The following S100A7A variants were observed in gnomAD, a reference collection of about 807,000 sequenced individuals.
S100A7A encodes the protein S100 calcium binding protein A7A, also known as protein S100-A7A.
A neutral mutation model predicts 4.0 loss-of-function variants in S100A7A; 5 were observed. The ratio of observed to expected loss-of-function variants is 1.26; its 90% CI spans 0.66 to 2.66. The LOEUF is 2.66. S100A7A is among the 30% of genes most tolerant of loss of function. The probability of loss-of-function intolerance (pLI) is 0.01; values close to 1 mark genes in which losing one functional copy is unlikely to be tolerated. For missense variants in S100A7A, 159 were observed against 125.1 expected (o/e 1.27, Z -1.29); for synonymous variants, 52 against 46.4 (o/e 1.12, Z -0.49).
chr1:153,419,247 A>G lies in S100A7A; in HGVS notation c.244A>G (p.Ile82Val), dbSNP rs1419230879. 2 of 1,614,220 alleles carry G rather than the reference A, an allele frequency of 1.2e-6. No individual in the cohort carries two copies. Among genetic ancestry groups the G allele is most frequent in the South Asian group, 2.2e-5 (2 of 91,080 alleles). Residue 82 changes from isoleucine to valine, a missense_variant, in exon 3 of 3, where the codon ATA becomes GTA. By Grantham distance (29) the Ile-to-Val change is conservative (BLOSUM62 3). Transcript: ENST00000368729. ...TGAGTTTCTGTCCTTGCTGGGAGAC[A>G]TAGCCGCAGACTACCACAAGCAGAG... Reference protein sequence around the residue: ...FSEFLSLLGDIAADYHKQSHG... With the variant: ...FSEFLSLLGDVAADYHKQSHG...
intron 2 of S100A7A, 85 bp from the exon 3 acceptor site, chr1:153,419,060 G>C: frequency 1.4e-6 from 2 of 1,428,886 alleles, no homozygotes; most frequent in Non-Finnish European, 1.9e-6. Flanking sequence ...GTACTTGTCT[G>C]TATCTCTGCC....
chr1:153,421,108 C>T lies in S100A7A; in HGVS notation c.*1799C>T, dbSNP rs1057454601. The T allele has an allele frequency of 6.6e-6, 1 of 152,202 alleles. No individual in the cohort carries two copies. Among genetic ancestry groups the T allele is most frequent in the Non-Finnish European group, 1.5e-5 (1 of 68,064 alleles). The allele number at this position is 152,202 out of a possible 1,614,324, so 9.4% of individuals were successfully genotyped here. On this transcript the variant is annotated 3_prime_UTR_variant, in exon 3 of 3. Coordinates refer to ENST00000368729, the MANE Select transcript of S100A7A (RefSeq NM_176823.4). ...TTATTCCCCGAATGCGCAACATACCCCCCATCAATATATCTCAGTATTTCA... is the reference window on the plus strand; with the variant it reads ...TTATTCCCCGAATGCGCAACATACCTCCCATCAATATATCTCAGTATTTCA...
chr1:153,417,661 G>A (rs184313998), intron 1 of S100A7A, among the ~76,000 whole-genome samples: 55 of 152,328 alleles, frequency 3.6e-4, no homozygotes, highest in Admixed American at 1.5e-3. Flanking sequence ...TCCTGCCCCC[G>A]TGACTCTCAC....
Position 153,419,213 on chromosome 1 carries a change from T to C in S100A7A, c.210T>C (p.Ile70=). 6.2e-7 allele frequency: 1 copy of C among 1,614,148 alleles called. No individual in the cohort carries two copies. Among genetic ancestry groups the C allele is most frequent in the Middle Eastern group, 1.6e-4 (1 of 6,062 alleles). The part of the protein sequence containing the change: ...EKKDKNEDKK[I]DFSEFLSLLG... ...AGGACAAGAATGAGGATAAGAAGAT[T>C]GATTTTTCTGAGTTTCTGTCCTTGC... The change falls in exon 3 of 3, where the codon ATT becomes ATC. Residue 70 remains isoleucine (I), a synonymous_variant. Coordinates refer to ENST00000368729, the MANE Select transcript of S100A7A (RefSeq NM_176823.4).
intron 1 of S100A7A, among the ~76,000 whole-genome samples, chr1:153,417,729 A>G (rs555098142): frequency 6.6e-6 from 1 of 152,228 alleles, no homozygotes; most frequent in Admixed American, 6.5e-5. Context: ...GGGGTCCGCC[A>G]TGTGCTGGTT....
In S100A7A at chr1:153,419,396, T is replaced by G. The variant is rs754388686; in HGVS notation, c.*87T>G. On this transcript the variant is annotated 3_prime_UTR_variant, in exon 3 of 3. Coordinates refer to ENST00000368729, the MANE Select transcript of S100A7A (RefSeq NM_176823.4). ...CACTTGCCTTATTTCTTCTTCTCTT[T>G]GGTGACCTACATTGTCAAAACTACC... is the stretch of plus-strand genomic sequence containing the variant. 1 of 1,426,814 alleles carries G rather than the reference T, an allele frequency of 7.0e-7. No homozygotes were observed. Among genetic ancestry groups the G allele is most frequent in the Admixed American group, 2.3e-5 (1 of 43,558 alleles). 88.4% of individuals were successfully genotyped at this position (1,426,814 alleles called of 1,614,324 possible). A position where few individuals can be genotyped will look rare whatever the true frequency, so the allele number is the denominator to read the frequency against.
Position 153,417,951 on chromosome 1 carries a change from C to G in S100A7A, c.-17-115C>G, listed in dbSNP as rs147632589. On this transcript the variant is annotated intron_variant, in intron 1 of 2. Coordinates refer to ENST00000368729, the MANE Select transcript of S100A7A (RefSeq NM_176823.4). ...CATCACATTTAAAAAAATCAAGTTC[C>G]TTCTGCTCCATCTTAGGGCTGTTTT... is the stretch of plus-strand genomic sequence containing the variant. 475 of 1,336,298 alleles carry G rather than the reference C, an allele frequency of 3.6e-4. 2 individuals are homozygous for G. The African/African-American group carries it at 5.7e-3, about 16-fold the overall frequency. 82.8% of individuals were successfully genotyped at this position (1,336,298 alleles called of 1,614,324 possible).
At chr1:153,418,915 G>A (rs1662816454) in intron 2 of S100A7A, among the ~76,000 whole-genome samples, 1 of 152,080 alleles carries the variant, frequency 6.6e-6, no homozygotes, top group South Asian at 2.1e-4. Context: ...CTCGGGACAG[G>A]ACCTGCCTCC....
chr1:153,419,215 A>AT lies in S100A7A; in HGVS notation c.217dup (p.Ser73PhefsTer2), dbSNP rs758701237. The AT allele has an allele frequency of 3.0e-5, 49 of 1,613,998 alleles. No individual in the cohort carries two copies. Among genetic ancestry groups the AT allele is most frequent in the Non-Finnish European group, 4.0e-5 (47 of 1,180,034 alleles). On this transcript the variant is annotated frameshift_variant, in exon 3 of 3. Coordinates refer to ENST00000368729, the MANE Select transcript of S100A7A (RefSeq NM_176823.4). LOFTEE classifies it low-confidence loss of function (END_TRUNC). Reference sequence around the variant, plus strand: ...GACAAGAATGAGGATAAGAAGATTGATTTTTCTGAGTTTCTGTCCTTGCTG... The same window carrying AT: ...GACAAGAATGAGGATAAGAAGATTGATTTTTTCTGAGTTTCTGTCCTTGCTG...
Position 153,419,341 on chromosome 1 carries a change from C to G in S100A7A, c.*32C>G, listed in dbSNP as rs1177676934. ...CCCACCAAGGGGCCTCCAGAGACCC[C>G]AGGAACAATAAGTGTCTCCTCCCAC... On this transcript the variant is annotated 3_prime_UTR_variant, in exon 3 of 3. Transcript: ENST00000368729. 8.1e-6 allele frequency: 13 copies of G among 1,598,534 alleles called. No homozygotes were observed. Among genetic ancestry groups the G allele is most frequent in the Non-Finnish European group, 1.1e-5 (13 of 1,173,238 alleles).
In S100A7A at chr1:153,419,313, A is replaced by G. The variant is rs765681288; in HGVS notation, c.*4A>G. On this transcript the variant is annotated 3_prime_UTR_variant, in exon 3 of 3. Coordinates refer to ENST00000368729, the MANE Select transcript of S100A7A (RefSeq NM_176823.4). The stretch of plus-strand genomic sequence containing the variant: ...CTGTTCTGGGGGAAGCCAGTGATCC[A>G]GCCCCACCAAGGGGCCTCCAGAGAC... 5 of 1,613,332 alleles carry G rather than the reference A, an allele frequency of 3.1e-6. No individual in the cohort carries two copies. The highest frequency in any genetic ancestry group is 3.4e-6 in the Non-Finnish European group (4 of 1,179,670).
At chr1:153,418,711 G>A (rs761788091) in intron 2 of S100A7A, among the ~76,000 whole-genome samples, 59 of 152,212 alleles carry the variant, frequency 3.9e-4, no homozygotes, top group East Asian at 1.9e-4. Flanking sequence ...CAAGAGTAGG[G>A]AACCCAGAAG....
chr1:153,421,880 A>G lies in S100A7A; in HGVS notation c.*2571A>G, dbSNP rs1173712033. On this transcript the variant is annotated 3_prime_UTR_variant, in exon 3 of 3. Transcript: ENST00000368729. Reference sequence around the variant, plus strand: ...ATTAGGATGGAGTGTGTGGACAAATACTTCTTCATCTTCTTGTCTAGGTTT... The same window carrying G: ...ATTAGGATGGAGTGTGTGGACAAATGCTTCTTCATCTTCTTGTCTAGGTTT... 6.6e-6 allele frequency: 1 copy of G among 152,238 alleles called. No homozygotes were observed. Among genetic ancestry groups the G allele is most frequent in the Non-Finnish European group, 1.5e-5 (1 of 68,042 alleles). 9.4% of individuals were successfully genotyped at this position (152,238 alleles called of 1,614,324 possible). A position where few individuals can be genotyped will look rare whatever the true frequency, so the allele number is the denominator to read the frequency against.
At chr1:153,418,975 C>T (rs1397171435) in intron 2 of S100A7A, among the ~76,000 whole-genome samples, 170 bp from the exon 3 acceptor site, 2 of 152,106 alleles carry the variant, frequency 1.3e-5, no homozygotes, top group Non-Finnish European at 1.5e-5. Context: ...CCAGGGATAA[C>T]ACTCACGTCC....
intron 2 of S100A7A, 87 bp downstream of exon 2, chr1:153,418,310 C>A: frequency 6.5e-7 from 1 of 1,532,576 alleles, no homozygotes; most frequent in Non-Finnish European, 8.9e-7. Context: ...ACAGGTCACC[C>A]TCATCCTCTG....
rs1287519133 is a variant in S100A7A, at chr1:153,422,589, A to G, written c.*3280A>G. 2.1e-6 allele frequency: 2 copies of G among 967,164 alleles called. No homozygotes were observed. The highest frequency in any genetic ancestry group is 1.8e-5 in the African/African-American group (1 of 56,634). 59.9% of individuals were successfully genotyped at this position (967,164 alleles called of 1,614,324 possible). On this transcript the variant is annotated 3_prime_UTR_variant, in exon 3 of 3. Transcript: ENST00000368729. ...GAAATTCTGATATCAAAACATTCCA[A>G]TAACTTTTTTTTTTCAGGCGCAGTC...
intron 2 of S100A7A, among the ~76,000 whole-genome samples, chr1:153,418,636 A>C (rs1464386801): frequency 6.6e-6 from 1 of 152,230 alleles, no homozygotes; most frequent in East Asian, 1.9e-4. Context: ...CTTTGCAATA[A>C]AGAAAACTCA....
rs765575828 is a variant in S100A7A at position 153,419,277 on chromosome 1, G to A, written c.274G>A (p.Gly92Arg). 1.6e-5 allele frequency: 26 copies of A among 1,614,076 alleles called. No individual in the cohort carries two copies. Among genetic ancestry groups the A allele is most frequent in the Non-Finnish European group, 2.0e-5 (24 of 1,180,042 alleles). The change falls in exon 3 of 3, where the codon GGA becomes AGA. Residue 92 changes from glycine to arginine, a missense_variant. By Grantham distance (125) the Gly-to-Arg change is moderately radical. Coordinates refer to ENST00000368729, the MANE Select transcript of S100A7A (RefSeq NM_176823.4). ...IAADYHKQSH[G>R]AAPCSGGSQ ...CGCAGACTACCACAAGCAGAGCCAT[G>A]GAGCGGCGCCCTGTTCTGGGGGAAG...
Position 153,421,511 on chromosome 1 carries a change from T to G in S100A7A, c.*2202T>G, listed in dbSNP as rs955925297. Reference sequence around the variant, plus strand: ...TCAATATAAAATGTATTTGTGCAAATTCTAGTCAATACTACTTTATGTAAA... The same window carrying G: ...TCAATATAAAATGTATTTGTGCAAAGTCTAGTCAATACTACTTTATGTAAA... On this transcript the variant is annotated 3_prime_UTR_variant, in exon 3 of 3. Coordinates refer to ENST00000368729, the MANE Select transcript of S100A7A (RefSeq NM_176823.4). 6.6e-6 allele frequency: 1 copy of G among 152,228 alleles called. No homozygotes were observed. Among genetic ancestry groups the G allele is most frequent in the Non-Finnish European group, 1.5e-5 (1 of 68,040 alleles). The allele number at this position is 152,228 out of a possible 1,614,324, so 9.4% of individuals were successfully genotyped here. A position where few individuals can be genotyped will look rare whatever the true frequency, so the allele number is the denominator to read the frequency against.
Sources: allele counts gnomAD v4.1 joint callset (sites outside exome capture counted in the v4.1 genomes callset), GRCh38; gene constraint gnomAD v4.1.1; transcripts MANE v1.5; gene names NCBI Gene and HGNC (gene_info 2026-07-23, HGNC 2026-07-21).